The following ITIH5 variants were observed in gnomAD, a reference collection of about 807,000 sequenced individuals.
ITIH5 encodes inter-alpha-trypsin inhibitor heavy chain H5.
A neutral mutation model predicts 77.5 loss-of-function variants in ITIH5; 65 were observed. The ratio of observed to expected loss-of-function variants is 0.84; its 90% confidence interval spans 0.69 to 1.03. ITIH5 has a LOEUF of 1.03. Among genes scored for constraint, ITIH5 ranks in the 50% least tolerant of loss-of-function variants. The pLI is 0.00. For missense variants in ITIH5, 1,208 were observed against 1,213.1 expected (o/e 1.00, Z 0.06); for synonymous variants, 525 against 494.3 (o/e 1.06, Z -0.82).
intron 2 of ITIH5, among the ~76,000 whole-genome samples, chr10:7,651,444 G>A (rs937721884): frequency 2.0e-5 from 3 of 151,942 alleles, no homozygotes; most frequent in East Asian, 1.9e-4. Flanking sequence ...TTAGCCGAGC[G>A]CGATGATGCA....
rs1832042071 is a variant in ITIH5, at chr10:7,561,646, G to C, written c.*1437C>G. 6.6e-6 allele frequency: 1 copy of C among 152,230 alleles called. No homozygotes were observed. 9.4% of individuals were successfully genotyped at this position (152,230 alleles called of 1,614,324 possible). ...TTCCCGAAGCCGCTGCGTCCGACAG[G>C]AACACGTGGATGTCATTTTACTGCC... On this transcript the variant is annotated 3_prime_UTR_variant, in exon 14 of 14. Coordinates refer to ENST00000397146, the MANE Select transcript of ITIH5 (RefSeq NM_030569.7).
chr10:7,627,330 TAAAA>T (rs55799504), intron 5 of ITIH5, among the ~76,000 whole-genome samples: 2 of 132,106 alleles, frequency 1.5e-5, no homozygotes, highest in African/African-American at 2.9e-5. Context: ...GAAGATAAAG[TAAAA>T]AAAAAAAAAA....
At position 7,559,942 on chromosome 10, in the gene ITIH5, G is replaced by A. The variant is rs1360433912; in HGVS notation, c.*3141C>T. ...TCTTGGCTCACTACAAGTTCCGACT[G>A]CCTGGTTCAAGCGATTCTCCTGCCT... On this transcript the variant is annotated 3_prime_UTR_variant, in exon 14 of 14. Coordinates refer to ENST00000397146, the MANE Select transcript of ITIH5 (RefSeq NM_030569.7). 4.6e-6 allele frequency: 2 copies of A among 432,858 alleles called. No individual in the cohort carries two copies. Among genetic ancestry groups the A allele is most frequent in the Non-Finnish European group, 9.2e-6 (2 of 217,914 alleles). The allele number at this position is 432,858 out of a possible 1,614,324, so 26.8% of individuals were successfully genotyped here. A position where few individuals can be genotyped will look rare whatever the true frequency, so the allele number is the denominator to read the frequency against.
chr10:7,602,901 G>A (rs1260012267), intron 7 of ITIH5, among the ~76,000 whole-genome samples: 6 of 152,082 alleles, frequency 3.9e-5, no homozygotes, highest in African/African-American at 1.4e-4. Context: ...TCTGGCTCAA[G>A]TTCCTTCTTG....
At chr10:7,566,741 AG>A (rs869202853) in intron 12 of ITIH5, among the ~76,000 whole-genome samples, 371 of 7,288 alleles carry the variant, frequency 0.051, 116 homozygotes, top group Non-Finnish European at 0.07. Flanking sequence ...AAAAAAAAAA[AG>A]AAGAAGAAGA....
In ITIH5 at chr10:7,666,848, C is replaced by T. The variant is rs1323405951; in HGVS notation, c.45G>A (p.Val15=). ...LGLCLGLSLC[V]GSQEEAQSWG... Reference sequence around the variant, plus strand: ...AGCTCTGCGCCTCTTCCTGCGACCCCACACACAGGGACAGCCCCAGGCACA... The same window carrying T: ...AGCTCTGCGCCTCTTCCTGCGACCCTACACACAGGGACAGCCCCAGGCACA... The change falls in exon 1 of 14, where the codon GTG becomes GTA. Residue 15 remains valine, a synonymous_variant. Transcript: ENST00000397146. The T allele has an allele frequency of 3.7e-6, 6 of 1,609,416 alleles. No homozygotes were observed. The highest frequency in any genetic ancestry group is 1.3e-5 in the African/African-American group (1 of 74,642).
rs1268137782 is a variant in ITIH5, at chr10:7,576,503, A to G, written c.1928T>C (p.Met643Thr). 1 of 1,610,356 alleles carries G rather than the reference A, an allele frequency of 6.2e-7. No individual in the cohort carries two copies. Among genetic ancestry groups the G allele is most frequent in the African/African-American group, 1.3e-5 (1 of 74,914 alleles). ...LEEAHGMSAAMGPEPVVQSVR... is the reference protein window; with the variant it reads ...LEEAHGMSAATGPEPVVQSVR... ...GCTCTGCACCACCGGTTCGGGTCCC[A>G]TGGCAGCCGACATGCCGTGGGCCTC... The change falls in exon 10 of 14, where the codon ATG becomes ACG. Residue 643 changes from methionine (M) to threonine (T), a missense_variant. Met to Thr is a moderately conservative substitution (Grantham distance 81). Coordinates refer to ENST00000397146, the MANE Select transcript of ITIH5 (RefSeq NM_030569.7).
chr10:7,592,443 A>G (rs1202490144), intron 7 of ITIH5, among the ~76,000 whole-genome samples: 5 of 152,152 alleles, frequency 3.3e-5, no homozygotes, highest in Non-Finnish European at 5.9e-5. Context: ...ACAGAGATAG[A>G]GGAGACAGAG....
intron 7 of ITIH5, among the ~76,000 whole-genome samples, chr10:7,593,095 AT>A (rs201036425): frequency 7.3e-5 from 11 of 151,678 alleles, no homozygotes; most frequent in South Asian, 4.2e-4. Context: ...TTAAGCTGGC[AT>A]TTTTTTTTCC....
chr10:7,637,676 C>T (rs1275871651), intron 4 of ITIH5, among the ~76,000 whole-genome samples, 198 bp from the exon 5 acceptor site: 1 of 152,024 alleles, frequency 6.6e-6, no homozygotes. Context: ...AGGTAGGTCA[C>T]GAAGGGTCAA....
chr10:7,590,008 C>A (rs1358082177), intron 7 of ITIH5, among the ~76,000 whole-genome samples: 1 of 142,808 alleles, frequency 7.0e-6, no homozygotes, highest in African/African-American at 2.7e-5. Context: ...CATCATCCAT[C>A]CCCATGGTGC....
intron 5 of ITIH5, among the ~76,000 whole-genome samples, chr10:7,624,889 GTATA>G (rs1239159773): frequency 5.9e-5 from 2 of 33,736 alleles, no homozygotes; most frequent in African/African-American, 2.6e-4. Flanking sequence ...ATATATATGT[GTATA>G]TATATACATA....
intron 5 of ITIH5, among the ~76,000 whole-genome samples, chr10:7,636,199 G>T (rs1376390567): frequency 6.6e-6 from 1 of 152,028 alleles, no homozygotes; most frequent in East Asian, 1.9e-4. Context: ...AAAATACGGT[G>T]ATTAAAACTA....
intron 3 of ITIH5, 42 bp from the exon 4 acceptor site, chr10:7,640,897 A>G: frequency 7.6e-7 from 1 of 1,308,396 alleles, no homozygotes; most frequent in African/African-American, 1.5e-5. Flanking sequence ...TTGCAGTTCC[A>G]AGACAAATTC....
At chr10:7,643,574 G>A (rs544401280) in intron 2 of ITIH5, among the ~76,000 whole-genome samples, 5 of 152,256 alleles carry the variant, frequency 3.3e-5, no homozygotes, top group Non-Finnish European at 5.9e-5. Context: ...TGCTGGTCCT[G>A]GGCACACAAA....
In ITIH5 at chr10:7,613,417, G is replaced by T. The variant is rs374119995; in HGVS notation, c.939+2565C>A. 2.8e-4 allele frequency among the ~76,000 whole-genome samples: 42 copies of T among 152,178 alleles called. No individual in the cohort carries two copies. In the East Asian group the frequency reaches 7.3e-3, roughly 27 times the overall value. On this transcript the variant is annotated intron_variant, in intron 7 of 13. Transcript: ENST00000397146. ...ACAAAAACTTTGGGAAAAACTTTGG[G>T]AAACCTACAAGTAACTTGAGCCCTA...
At chr10:7,590,429 T>G (rs866812694) in intron 7 of ITIH5, among the ~76,000 whole-genome samples, 3 of 152,216 alleles carry the variant, frequency 2.0e-5, no homozygotes, top group Non-Finnish European at 2.9e-5. Context: ...CACGCCTACC[T>G]AGAGACAACC....
chr10:7,617,302 ATAAT>A lies in ITIH5; in HGVS notation c.653-24_653-21del, dbSNP rs1833388593. The stretch of plus-strand genomic sequence containing the variant: ...AATCATCTGCAAACAAGATAGAAAC[ATAAT>A]TAATAACTTAATATATATTTTTCCA... On this transcript the variant is annotated intron_variant, in intron 5 of 13. Transcript: ENST00000397146. 2.1e-6 allele frequency: 3 copies of A among 1,427,338 alleles called. No individual in the cohort carries two copies. Among genetic ancestry groups the A allele is most frequent in the Non-Finnish European group, 2.8e-6 (3 of 1,072,874 alleles). The allele number at this position is 1,427,338 out of a possible 1,614,324, so 88.4% of individuals were successfully genotyped here.
At chr10:7,635,707 G>A (rs768168055) in intron 5 of ITIH5, among the ~76,000 whole-genome samples, 44 of 152,266 alleles carry the variant, frequency 2.9e-4, no homozygotes, top group Non-Finnish European at 5.4e-4. Context: ...CATGCTGGGG[G>A]AGAAAGTGTA....
Sources: allele counts gnomAD v4.1 joint callset (sites outside exome capture counted in the v4.1 genomes callset), GRCh38; gene constraint gnomAD v4.1.1; transcripts MANE v1.5; gene names NCBI Gene and HGNC (gene_info 2026-07-23, HGNC 2026-07-21).